Variants in CNTN5 observed in about 807,000 individuals in gnomAD.
The protein encoded by CNTN5 is contactin-5.
In CNTN5, 77 loss-of-function variants were observed where a neutral mutation model predicts 129.1. The ratio of observed to expected loss-of-function variants is 0.60; its 90% CI spans 0.50 to 0.72. CNTN5 has a LOEUF of 0.72. Ranked by LOEUF, CNTN5 falls within the 30% of genes least tolerant of loss-of-function variation. The pLI, the probability that CNTN5 is intolerant of heterozygous loss-of-function variation, is 0.00. For missense variants in CNTN5, 1,478 were observed against 1,328.8 expected (o/e 1.11, Z -1.75); for synonymous variants, 509 against 465.6 (o/e 1.09, Z -1.20).
At chr11:99,523,185 G>A (rs764923189) in intron 2 of CNTN5, among the ~76,000 whole-genome samples, 6 of 152,108 alleles carry the variant, frequency 3.9e-5, no homozygotes, top group Non-Finnish European at 8.8e-5. Context: ...ACATTCGTCT[G>A]TTGACACTCT....
chr11:99,226,559 A>G (rs1016531282), intron 1 of CNTN5, among the ~76,000 whole-genome samples: 2 of 152,182 alleles, frequency 1.3e-5, no homozygotes, highest in African/African-American at 4.8e-5. Flanking sequence ...TACCTCGATA[A>G]CAGGCCATAT....
At chr11:99,636,151 T>C (rs747292835) in intron 3 of CNTN5, among the ~76,000 whole-genome samples, 4 of 152,072 alleles carry the variant, frequency 2.6e-5, no homozygotes, top group Non-Finnish European at 2.9e-5. Context: ...CATATACCAA[T>C]GGACACTTCA....
At chr11:99,438,039 C>T (rs572896470) in intron 2 of CNTN5, among the ~76,000 whole-genome samples, 50 of 152,188 alleles carry the variant, frequency 3.3e-4, no homozygotes, top group Non-Finnish European at 6.3e-4. Flanking sequence ...GTTTATATAT[C>T]ATTAAATGCT....
chr11:99,804,682 A>C (rs117752596), intron 3 of CNTN5, among the ~76,000 whole-genome samples: 5,166 of 151,628 alleles, frequency 0.034, 134 homozygotes, highest in South Asian at 0.1. Flanking sequence ...AGAAACTCTT[A>C]ATATGGAAGG....
intron 18 of CNTN5, among the ~76,000 whole-genome samples, chr11:100,294,853 T>G (rs893379158): frequency 2.6e-5 from 4 of 151,514 alleles, no homozygotes; most frequent in Admixed American, 6.6e-5. Context: ...GTGGACTCCA[T>G]CAGTGCAGAG....
Position 100,356,791 on chromosome 11 carries a change from T to TAGCA in CNTN5, c.*574_*577dup, listed in dbSNP as rs1324653739. On this transcript the variant is annotated 3_prime_UTR_variant, in exon 25 of 25. Transcript: ENST00000524871. Reference sequence around the variant, plus strand: ...AATATTGTATGATTGCATAGTGAAATAGCAAGATTTGTCAATATGCTATTC... The same window carrying TAGCA: ...AATATTGTATGATTGCATAGTGAAATAGCAAGCAAGATTTGTCAATATGCTATTC... The TAGCA allele has an allele frequency of 6.5e-6, 1 of 154,382 alleles. No individual in the cohort carries two copies. The highest frequency in any genetic ancestry group is 1.4e-5 in the Non-Finnish European group (1 of 69,590). 9.6% of individuals were successfully genotyped at this position (154,382 alleles called of 1,614,324 possible).
intron 2 of CNTN5, among the ~76,000 whole-genome samples, chr11:99,401,510 G>C (rs976507361): frequency 6.6e-6 from 1 of 152,128 alleles, no homozygotes; most frequent in Non-Finnish European, 1.5e-5. Flanking sequence ...TTTGAAGTCA[G>C]GTAATGTGCT....
intron 2 of CNTN5, among the ~76,000 whole-genome samples, chr11:99,463,119 A>ATAAATAAG (rs1340642346): frequency 2.0e-5 from 3 of 147,502 alleles, no homozygotes; most frequent in African/African-American, 7.4e-5. Flanking sequence ...AAATAAATAA[A>ATAAATAAG]TAAATAAATA....
At chr11:99,752,080 C>A (rs904828707) in intron 3 of CNTN5, among the ~76,000 whole-genome samples, 1 of 151,968 alleles carries the variant, frequency 6.6e-6, no homozygotes, top group Admixed American at 6.6e-5. Context: ...AAAATCTGAT[C>A]TTTGTAAATT....
At chr11:99,346,955 C>G (rs955314385) in intron 2 of CNTN5, among the ~76,000 whole-genome samples, 7 of 152,180 alleles carry the variant, frequency 4.6e-5, no homozygotes, top group Non-Finnish European at 1.0e-4. Flanking sequence ...GCTACCCACC[C>G]TATGATATTT....
chr11:100,258,131 T>C (rs186844021), intron 17 of CNTN5, among the ~76,000 whole-genome samples: 109 of 152,210 alleles, frequency 7.2e-4, no homozygotes, highest in African/African-American at 1.9e-3. Flanking sequence ...ACGAGGACTT[T>C]GTGAAGCATA....
intron 3 of CNTN5, among the ~76,000 whole-genome samples, chr11:99,615,393 C>G (rs946905158): frequency 2.0e-5 from 3 of 151,990 alleles, no homozygotes; most frequent in African/African-American, 7.2e-5. Context: ...TTAGTATAAA[C>G]CCAACTTTTT....
At chr11:100,019,663 T>C (rs1941023595) in intron 9 of CNTN5, among the ~76,000 whole-genome samples, 1 of 152,020 alleles carries the variant, frequency 6.6e-6, no homozygotes, top group South Asian at 2.1e-4. Context: ...GGAATGCAGA[T>C]ATCTTTAAAA....
At position 99,247,910 on chromosome 11, in the gene CNTN5, C is replaced by T. The variant is rs187246602; in HGVS notation, c.-209-77436C>T. 3.6e-4 allele frequency among the ~76,000 whole-genome samples: 55 copies of T among 152,108 alleles called. No individual in the cohort carries two copies. In the South Asian group the frequency reaches 7.9e-3, roughly 22 times the overall value. On this transcript the variant is annotated intron_variant, in intron 1 of 24. Transcript: ENST00000524871. Reference sequence around the variant, plus strand: ...AAGTCTTTGCTATTGTGAATAGTGCCGCAATAAACATATGTGTGCAAGTGT... The same window carrying T: ...AAGTCTTTGCTATTGTGAATAGTGCTGCAATAAACATATGTGTGCAAGTGT...
intron 3 of CNTN5, among the ~76,000 whole-genome samples, chr11:99,597,333 G>T (rs1333319586): frequency 6.6e-6 from 1 of 152,120 alleles, no homozygotes; most frequent in African/African-American, 2.4e-5. Context: ...GTCCACCTTT[G>T]TATGCTTTCA....
At chr11:99,262,758 C>A (rs996083735) in intron 1 of CNTN5, among the ~76,000 whole-genome samples, 3 of 151,742 alleles carry the variant, frequency 2.0e-5, no homozygotes, top group Admixed American at 1.3e-4. Flanking sequence ...TAATTAAAAA[C>A]GTTAAATTGA....
intron 15 of CNTN5, 59 bp from the exon 16 acceptor site, chr11:100,224,633 G>A (rs2138628982): frequency 6.5e-7 from 1 of 1,542,804 alleles, no homozygotes; most frequent in South Asian, 1.2e-5. Flanking sequence ...TCCCCCTTAA[G>A]CCACCTTGAA....
chr11:99,870,232 T>C (rs1948467274), intron 6 of CNTN5, among the ~76,000 whole-genome samples: 1 of 152,128 alleles, frequency 6.6e-6, no homozygotes, highest in African/African-American at 2.4e-5. Flanking sequence ...GCAAAAGGTA[T>C]ACTCATTTTA....
intron 1 of CNTN5, among the ~76,000 whole-genome samples, chr11:99,238,576 G>A (rs549572859): frequency 6.6e-6 from 1 of 152,140 alleles, no homozygotes; most frequent in East Asian, 1.9e-4. Flanking sequence ...CAGTTTGGAA[G>A]CATTATGATT....
Sources: gnomAD v4.1 joint callset for allele counts (sites outside exome capture counted in the v4.1 genomes callset) on GRCh38, gnomAD v4.1.1 for gene constraint, MANE v1.5 for transcripts, NCBI Gene and HGNC (gene_info 2026-07-23, HGNC 2026-07-21) for gene names.